Variants in OR6B1 observed in about 807,000 individuals in gnomAD.
OR6B1 encodes the protein olfactory receptor family 6 subfamily B member 1, also known as olfactory receptor 6B1.
In OR6B1, 15 loss-of-function variants were observed where a neutral mutation model predicts 15.4. That is an observed-to-expected ratio of 0.97 (90% CI 0.65 to 1.50). The LOEUF is 1.50. Among genes scored for constraint, OR6B1 ranks in the 40% most tolerant of loss-of-function variants. The pLI, the probability that OR6B1 is intolerant of heterozygous loss-of-function variation, is 0.00. For missense variants in OR6B1, 384 were observed against 385.0 expected, an observed-to-expected ratio of 1.00 and a Z score of 0.02; for synonymous variants, 139 against 144.9, an observed-to-expected ratio of 0.96 and a Z score of 0.29.
chr7:144,000,322 A>C lies in OR6B1; in HGVS notation c.-354A>C, dbSNP rs2050578476. ...ACTCTATAAAGCCCTCAGAATCCAA[A>C]GGTCTTCACAGCTCAGTGTGCCTAA... On this transcript the variant is annotated 5_prime_UTR_variant, in exon 1 of 2. Transcript: ENST00000641698. 6.6e-6 allele frequency: 1 copy of C among 152,482 alleles called. No individual in the cohort carries two copies. The allele number at this position is 152,482 out of a possible 1,614,324, so 9.4% of individuals were successfully genotyped here.
rs1171550946 is a variant in OR6B1 at position 144,006,856 on chromosome 7, G to A, written c.*1924G>A. Reference sequence around the variant, plus strand: ...AAAACAGGAGTAATAATAGTTGCTTGGTGTTTCTTACGCAATGGTTATGAG... The same window carrying A: ...AAAACAGGAGTAATAATAGTTGCTTAGTGTTTCTTACGCAATGGTTATGAG... On this transcript the variant is annotated 3_prime_UTR_variant, in exon 2 of 2. Coordinates refer to ENST00000641698, the MANE Select transcript of OR6B1 (RefSeq NM_001005281.3). 1 of 152,176 alleles carries A rather than the reference G, an allele frequency of 6.6e-6. No homozygotes were observed. Among genetic ancestry groups the A allele is most frequent in the Non-Finnish European group, 1.5e-5 (1 of 68,036 alleles). The allele number at this position is 152,176 out of a possible 1,614,324, so 9.4% of individuals were successfully genotyped here.
At position 144,006,528 on chromosome 7, in the gene OR6B1, G is replaced by C. The variant is rs142922661; in HGVS notation, c.*1596G>C. On this transcript the variant is annotated 3_prime_UTR_variant, in exon 2 of 2. Transcript: ENST00000641698. Reference sequence around the variant, plus strand: ...GGAAAGGATTTAATGTTTGCTTCTGGAATGTAGTTTGGTCCCTTGATGCAA... The same window carrying C: ...GGAAAGGATTTAATGTTTGCTTCTGCAATGTAGTTTGGTCCCTTGATGCAA... The C allele has an allele frequency of 6.6e-6, 1 of 152,176 alleles. No homozygotes were observed. The highest frequency in any genetic ancestry group is 1.5e-5 in the Non-Finnish European group (1 of 68,022). The allele number at this position is 152,176 out of a possible 1,614,324, so 9.4% of individuals were successfully genotyped here.
rs1418638003 is a variant in OR6B1 at position 144,005,886 on chromosome 7, T to C, written c.*954T>C. ...CCTCTACACACACGCTAGAACCTCA[T>C]TGATCAAATGTGCTTTACACCCATA... On this transcript the variant is annotated 3_prime_UTR_variant, in exon 2 of 2. Transcript: ENST00000641698. 1 of 152,224 alleles carries C rather than the reference T, an allele frequency of 6.6e-6. No homozygotes were observed. Among genetic ancestry groups the C allele is most frequent in the Non-Finnish European group, 1.5e-5 (1 of 68,038 alleles). The allele number at this position is 152,224 out of a possible 1,614,324, so 9.4% of individuals were successfully genotyped here.
rs376136074 is a variant in OR6B1, at chr7:144,004,435, G to T, written c.439G>T (p.Gly147Cys). 2.5e-6 allele frequency: 4 copies of T among 1,614,040 alleles called. No homozygotes were observed. The highest frequency in any genetic ancestry group is 3.4e-6 in the Non-Finnish European group (4 of 1,180,048). ...SHGLCFRLAL[G>C]SWAIGFGISL... ...TGGGCTCTGCTTCCGCCTCGCTCTT[G>T]GTTCCTGGGCCATTGGCTTTGGCAT... is the stretch of plus-strand genomic sequence containing the variant. The change falls in exon 2 of 2, where the codon GGT becomes TGT. Residue 147 changes from glycine to cysteine, a missense_variant. Coordinates refer to ENST00000641698, the MANE Select transcript of OR6B1 (RefSeq NM_001005281.3).
Position 144,004,431 on chromosome 7 carries a change from T to C in OR6B1, c.435T>C (p.Ala145=), listed in dbSNP as rs2050608283. The C allele has an allele frequency of 2.5e-6, 4 of 1,614,058 alleles. No individual in the cohort carries two copies. The highest frequency in any genetic ancestry group is 3.4e-6 in the Non-Finnish European group (4 of 1,180,040). ...IMSHGLCFRL[A]LGSWAIGFGI... ...GCCATGGGCTCTGCTTCCGCCTCGC[T>C]CTTGGTTCCTGGGCCATTGGCTTTG... The change falls in exon 2 of 2, where the codon GCT becomes GCC. Residue 145 remains alanine, a synonymous_variant. Coordinates refer to ENST00000641698, the MANE Select transcript of OR6B1 (RefSeq NM_001005281.3).
chr7:144,007,855 A>AGAC lies in OR6B1; in HGVS notation c.*2924_*2926dup, dbSNP rs1268967018. ...TAATAAAGTTAAGGACCTCAAACTG[A>AGAC]GACCATTCTGGATTATCCGAGTGGA... On this transcript the variant is annotated 3_prime_UTR_variant, in exon 2 of 2. Coordinates refer to ENST00000641698, the MANE Select transcript of OR6B1 (RefSeq NM_001005281.3). 6.6e-6 allele frequency: 1 copy of AGAC among 152,224 alleles called. No homozygotes were observed. The highest frequency in any genetic ancestry group is 1.5e-5 in the Non-Finnish European group (1 of 68,042). 9.4% of individuals were successfully genotyped at this position (152,224 alleles called of 1,614,324 possible).
chr7:144,003,453 A>T (rs777475379), intron 1 of OR6B1, among the ~76,000 whole-genome samples: 2 of 152,100 alleles, frequency 1.3e-5, no homozygotes, highest in Non-Finnish European at 2.9e-5. Context: ...AATCTCTGCT[A>T]CTCACTTTCT....
chr7:144,001,572 T>C (rs536950154), intron 1 of OR6B1, among the ~76,000 whole-genome samples: 60 of 152,346 alleles, frequency 3.9e-4, no homozygotes, highest in African/African-American at 1.1e-3. Flanking sequence ...AAAACAAGAA[T>C]ATAATAAGAG....
chr7:144,002,190 C>G (rs1388682413), intron 1 of OR6B1, among the ~76,000 whole-genome samples: 1 of 152,160 alleles, frequency 6.6e-6, no homozygotes, highest in African/African-American at 2.4e-5. Flanking sequence ...CACTGTCTAA[C>G]TTGGAAATAT....
chr7:144,003,832 C>T (rs2050600441), intron 1 of OR6B1, 140 bp from the exon 2 acceptor site: 10 of 568,512 alleles, frequency 1.8e-5, no homozygotes, highest in Admixed American at 3.1e-5. Context: ...AATTAAATTA[C>T]GTTGTGTGCC....
rs1586861462 is a variant in OR6B1, at chr7:144,008,147, A to G, written c.*3215A>G. The stretch of plus-strand genomic sequence containing the variant: ...GTTTTAAGCTACCAAGTTTGTGGTA[A>G]TTTGTTATAAAAACCCTGGGAAATA... On this transcript the variant is annotated 3_prime_UTR_variant, in exon 2 of 2. Coordinates refer to ENST00000641698, the MANE Select transcript of OR6B1 (RefSeq NM_001005281.3). The G allele has an allele frequency of 6.6e-6, 1 of 152,378 alleles. No homozygotes were observed. The highest frequency in any genetic ancestry group is 2.4e-5 in the African/African-American group (1 of 41,574). 9.4% of individuals were successfully genotyped at this position (152,378 alleles called of 1,614,324 possible). A position where few individuals can be genotyped will look rare whatever the true frequency, so the allele number is the denominator to read the frequency against.
Position 144,008,035 on chromosome 7 carries a change from C to T in OR6B1, c.*3103C>T, listed in dbSNP as rs189213905. The stretch of plus-strand genomic sequence containing the variant: ...AAGATATAAGTAATGATTCTCCCCC[C>T]CTAGAGCTGTCAAAGGAAGAGAGCC... On this transcript the variant is annotated 3_prime_UTR_variant, in exon 2 of 2. Transcript: ENST00000641698. 6 of 152,320 alleles carry T rather than the reference C, an allele frequency of 3.9e-5. No homozygotes were observed. Among genetic ancestry groups the T allele is most frequent in the African/African-American group, 1.2e-4 (5 of 41,562 alleles). The allele number at this position is 152,320 out of a possible 1,614,324, so 9.4% of individuals were successfully genotyped here.
In OR6B1 at chr7:144,003,599, G is replaced by A. The variant is rs114579019; in HGVS notation, c.-25-373G>A. The stretch of plus-strand genomic sequence containing the variant: ...GTAGGTGGAGAGACAGGAAGGTCAG[G>A]TGTATCTTTTGGAATTGGCAATTGT... On this transcript the variant is annotated intron_variant, in intron 1 of 1. Transcript: ENST00000641698. 1.5e-3 allele frequency among the ~76,000 whole-genome samples: 233 copies of A among 152,286 alleles called. 1 individual carries two copies. Among genetic ancestry groups the A allele is most frequent in the African/African-American group, 5.3e-3 (222 of 41,544 alleles).
At position 144,004,133 on chromosome 7, in the gene OR6B1, T is replaced by C. The variant is rs1302058479; in HGVS notation, c.137T>C (p.Ile46Thr). The C allele has an allele frequency of 6.2e-7, 1 of 1,614,140 alleles. No individual in the cohort carries two copies. Among genetic ancestry groups the C allele is most frequent in the African/African-American group, 1.3e-5 (1 of 75,036 alleles). Residue 46 changes from isoleucine to threonine, a missense_variant, in exon 2 of 2, where the codon ATC (isoleucine) becomes ACC (threonine). By Grantham distance (89) the Ile-to-Thr change is moderately conservative. Coordinates refer to ENST00000641698, the MANE Select transcript of OR6B1 (RefSeq NM_001005281.3). ...ACAGTGGCTGAAAACGTGATCATCA[T>C]CCTATTGGTGCTGCAAAATCGGCCA... ...ILTVAENVII[I>T]LLVLQNRPLH...
Position 144,004,388 on chromosome 7 carries a change from A to G in OR6B1, c.392A>G (p.His131Arg). 1 of 1,614,102 alleles carries G rather than the reference A, an allele frequency of 6.2e-7. No individual in the cohort carries two copies. The highest frequency in any genetic ancestry group is 8.5e-7 in the Non-Finnish European group (1 of 1,180,004). ...DRYVAICRPL[H>R]YPTIMSHGLC... ...TATGTGGCCATCTGTCGCCCACTCC[A>G]CTACCCAACCATAATGAGCCATGGG... The change falls in exon 2 of 2, where the codon CAC (histidine) becomes CGC (arginine). Residue 131 changes from histidine to arginine, a missense_variant. By Grantham distance (29) the His-to-Arg change is conservative. Coordinates refer to ENST00000641698, the MANE Select transcript of OR6B1 (RefSeq NM_001005281.3).
Position 144,005,024 on chromosome 7 carries a change from C to A in OR6B1, c.*92C>A. 1.2e-6 allele frequency: 1 copy of A among 850,868 alleles called. No homozygotes were observed. The highest frequency in any genetic ancestry group is 1.8e-6 in the Non-Finnish European group (1 of 559,222). The allele number at this position is 850,868 out of a possible 1,614,324, so 52.7% of individuals were successfully genotyped here. ...CTTTAACGACTCAGTTAGGACACTG[C>A]CCATGTTAATATGACATCACCATGT... On this transcript the variant is annotated 3_prime_UTR_variant, in exon 2 of 2. Coordinates refer to ENST00000641698, the MANE Select transcript of OR6B1 (RefSeq NM_001005281.3).
At position 144,008,465 on chromosome 7, in the gene OR6B1, G is replaced by A. The variant is rs2050639847; in HGVS notation, c.*3533G>A. 1 of 152,206 alleles carries A rather than the reference G, an allele frequency of 6.6e-6. No individual in the cohort carries two copies. Among genetic ancestry groups the A allele is most frequent in the East Asian group, 1.9e-4 (1 of 5,190 alleles). 9.4% of individuals were successfully genotyped at this position (152,206 alleles called of 1,614,324 possible). On this transcript the variant is annotated 3_prime_UTR_variant, in exon 2 of 2. Transcript: ENST00000641698. ...CTGAGCAGCCAGAGCAGTGAGAAAA[G>A]GGTAAGCAGGTGATATGGTCTGGCT...
In OR6B1 at chr7:144,004,969, G is replaced by A. The variant is rs771878138; in HGVS notation, c.*37G>A. ...TGATTAGAAAGAAAGGTCTGAGTGGGTGCCTGTATGTCTTCCTCCATCCTT... is the reference window on the plus strand; with the variant it reads ...TGATTAGAAAGAAAGGTCTGAGTGGATGCCTGTATGTCTTCCTCCATCCTT... On this transcript the variant is annotated 3_prime_UTR_variant, in exon 2 of 2. Coordinates refer to ENST00000641698, the MANE Select transcript of OR6B1 (RefSeq NM_001005281.3). 4.2e-6 allele frequency: 6 copies of A among 1,426,990 alleles called. No individual in the cohort carries two copies. Among genetic ancestry groups the A allele is most frequent in the Non-Finnish European group, 4.7e-6 (5 of 1,054,096 alleles). 88.4% of individuals were successfully genotyped at this position (1,426,990 alleles called of 1,614,324 possible). A position where few individuals can be genotyped will look rare whatever the true frequency, so the allele number is the denominator to read the frequency against.
In OR6B1 at chr7:144,005,091, A is replaced by G. The variant is rs2050615843; in HGVS notation, c.*159A>G. 2 of 610,470 alleles carry G rather than the reference A, an allele frequency of 3.3e-6. No individual in the cohort carries two copies. Among genetic ancestry groups the G allele is most frequent in the East Asian group, 5.5e-5 (2 of 36,374 alleles). 37.8% of individuals were successfully genotyped at this position (610,470 alleles called of 1,614,324 possible). ...CGCTTGGGTATCTGCATCTGTGCAT[A>G]TGGTCAGTGCTCTAAGGCCATACAC... On this transcript the variant is annotated 3_prime_UTR_variant, in exon 2 of 2. Coordinates refer to ENST00000641698, the MANE Select transcript of OR6B1 (RefSeq NM_001005281.3).
Sources: gnomAD v4.1 joint callset for allele counts (sites outside exome capture counted in the v4.1 genomes callset) on GRCh38, gnomAD v4.1.1 for gene constraint, MANE v1.5 for transcripts, NCBI Gene and HGNC (gene_info 2026-07-23, HGNC 2026-07-21) for gene names.